NAALADL2: variants seen among roughly 807,000 people sequenced by gnomAD.
NAALADL2 encodes N-acetylated alpha-linked acidic dipeptidase like 2.
Under a neutral mutation model 87.2 loss-of-function variants are expected in NAALADL2, and 76 were observed. That is an observed-to-expected ratio of 0.87 (90% CI 0.72 to 1.05). The LOEUF (loss-of-function observed/expected upper bound fraction) is 1.05, where lower values mean the gene tolerates loss of function less well. NAALADL2 is among the 50% of genes least tolerant of loss of function. The pLI is 0.00. For synonymous variants in NAALADL2, 354 were observed against 331.0 expected (o/e 1.07, Z -0.75); for missense variants, 1,089 against 945.8 (o/e 1.15, Z -1.99).
rs182603627 is a variant in NAALADL2, at chr3:175,627,277, T to C, written c.1801-14T>C. On this transcript the variant is annotated splice_polypyrimidine_tract_variant and intron_variant, in intron 10 of 13. Transcript: ENST00000454872. ...ATAAAGAGTTTTAAATGTTTCTTTT[T>C]TGATTTGCCGCAGGGTCCAAGTTTT... is the stretch of plus-strand genomic sequence containing the variant. The C allele has an allele frequency of 1.3e-6, 2 of 1,540,338 alleles. No homozygotes were observed. The highest frequency in any genetic ancestry group is 2.0e-5 in the Admixed American group (1 of 49,208).
intron 2 of NAALADL2, among the ~76,000 whole-genome samples, chr3:174,701,606 T>A (rs1412160542): frequency 6.6e-6 from 1 of 152,170 alleles, no homozygotes; most frequent in Non-Finnish European, 1.5e-5. Flanking sequence ...TTCCATTTTC[T>A]CACTCACCTT....
intron 1 of NAALADL2, among the ~76,000 whole-genome samples, chr3:174,975,505 CA>C (rs2108626369): frequency 6.6e-6 from 1 of 152,180 alleles, no homozygotes; most frequent in Admixed American, 6.5e-5. Flanking sequence ...TTTTTAATGA[CA>C]AAAACCACAA....
At chr3:175,120,366 G>T (rs1358616563) in intron 2 of NAALADL2, among the ~76,000 whole-genome samples, 3 of 151,720 alleles carry the variant, frequency 2.0e-5, no homozygotes, top group African/African-American at 7.3e-5. Context: ...AAAAGGTATG[G>T]ATTTCTAAAT....
intron 1 of NAALADL2, among the ~76,000 whole-genome samples, chr3:175,073,971 T>G (rs1716127371): frequency 1.3e-5 from 2 of 152,092 alleles, no homozygotes; most frequent in Admixed American, 1.3e-4. Context: ...ATGCACCATC[T>G]CACACACTGT....
intron 3 of NAALADL2, among the ~76,000 whole-genome samples, chr3:175,249,924 C>T (rs946859585): frequency 6.6e-6 from 1 of 152,090 alleles, no homozygotes; most frequent in African/African-American, 2.4e-5. Flanking sequence ...ATCCCAGCAA[C>T]TTTGGGAGGC....
chr3:174,885,111 TC>T (rs1425023877), intron 1 of NAALADL2, among the ~76,000 whole-genome samples: 1 of 152,108 alleles, frequency 6.6e-6, no homozygotes, highest in Non-Finnish European at 1.5e-5. Flanking sequence ...AACCTCAGTG[TC>T]CCCATTGTCA....
chr3:175,744,548 C>G (rs1260024409), intron 12 of NAALADL2, among the ~76,000 whole-genome samples: 1 of 152,156 alleles, frequency 6.6e-6, no homozygotes, highest in African/African-American at 2.4e-5. Flanking sequence ...TATTATTTTA[C>G]CATGTCCTGT....
chr3:175,343,652 C>T (rs1398306382), intron 5 of NAALADL2, among the ~76,000 whole-genome samples: 1 of 58,274 alleles, frequency 1.7e-5, no homozygotes, highest in Non-Finnish European at 3.7e-5. Context: ...GTGTCTTGAT[C>T]ATGTTTTTTT....
intron 11 of NAALADL2, among the ~76,000 whole-genome samples, chr3:175,711,071 T>C (rs1314666120): frequency 1.3e-5 from 2 of 151,980 alleles, no homozygotes; most frequent in African/African-American, 4.8e-5. Context: ...TAATGAATTA[T>C]TTCAAATTTA....
At chr3:174,751,806 G>T (rs1265290387) in intron 3 of NAALADL2, among the ~76,000 whole-genome samples, 1 of 151,906 alleles carries the variant, frequency 6.6e-6, no homozygotes, top group Non-Finnish European at 1.5e-5. Context: ...TTTGACTTAG[G>T]ATATTTCCTA....
chr3:175,332,376 C>A (rs190822430), intron 5 of NAALADL2, among the ~76,000 whole-genome samples: 324 of 152,158 alleles, frequency 2.1e-3, no homozygotes, highest in Non-Finnish European at 3.4e-3. Flanking sequence ...AAAACAGAAA[C>A]ACTACAGTTC....
intron 11 of NAALADL2, among the ~76,000 whole-genome samples, chr3:175,659,693 G>T (rs1174547664): frequency 6.6e-6 from 1 of 152,148 alleles, no homozygotes; most frequent in African/African-American, 2.4e-5. Flanking sequence ...AAAGGCCTTA[G>T]AATCTTTAGT....
intron 5 of NAALADL2, among the ~76,000 whole-genome samples, chr3:175,360,984 C>T (rs919068064): frequency 1.3e-5 from 2 of 151,766 alleles, no homozygotes; most frequent in African/African-American, 2.4e-5. Context: ...TCATCATTTA[C>T]ATCAGGTGTA....
intron 2 of NAALADL2, among the ~76,000 whole-genome samples, chr3:174,610,299 G>C (rs1719678314): frequency 6.6e-6 from 1 of 151,906 alleles, no homozygotes; most frequent in South Asian, 2.1e-4. Flanking sequence ...AGCAACAAAA[G>C]ACAAAATTGA....
chr3:174,943,101 G>C (rs749436761), intron 1 of NAALADL2, among the ~76,000 whole-genome samples: 5 of 152,166 alleles, frequency 3.3e-5, no homozygotes, highest in African/African-American at 4.8e-5. Flanking sequence ...GGAAGACATA[G>C]GACACTCAGG....
upstream of NAALADL2, among the ~76,000 whole-genome samples, chr3:174,855,181 TA>T (rs1274798643): frequency 1.3e-5 from 2 of 152,168 alleles, no homozygotes; most frequent in Non-Finnish European, 2.9e-5. Context: ...TAGCTATTTT[TA>T]TATCAGCATC....
At chr3:175,159,223 A>G (rs573151328) in intron 2 of NAALADL2, among the ~76,000 whole-genome samples, 23 of 152,194 alleles carry the variant, frequency 1.5e-4, no homozygotes, top group Non-Finnish European at 2.8e-4. Context: ...TCAGCCAATC[A>G]TATCTGCAAG....
At chr3:175,033,112 T>C (rs535439325) in intron 1 of NAALADL2, among the ~76,000 whole-genome samples, 1 of 151,862 alleles carries the variant, frequency 6.6e-6, no homozygotes, top group African/African-American at 2.4e-5. Context: ...GAAGAGTAAA[T>C]GAGATAGCAA....
At chr3:175,570,370 A>G (rs1395303081) in intron 9 of NAALADL2, among the ~76,000 whole-genome samples, 2 of 152,182 alleles carry the variant, frequency 1.3e-5, no homozygotes, top group Admixed American at 1.3e-4. Flanking sequence ...ACTCAGAATG[A>G]TATTTGACCA....
Sources: gnomAD v4.1 joint callset for allele counts (sites outside exome capture counted in the v4.1 genomes callset) on GRCh38, gnomAD v4.1.1 for gene constraint, MANE v1.5 for transcripts, NCBI Gene and HGNC (gene_info 2026-07-23, HGNC 2026-07-21) for gene names.